ZNF837: variants seen among roughly 807,000 people sequenced by gnomAD.
ZNF837 encodes the protein zinc finger protein 837.
For missense variants in ZNF837, 955 were observed against 801.7 expected (o/e 1.19, Z -2.31); for synonymous variants, 475 against 365.2 (o/e 1.30, Z -3.43).
chr19:58,368,552 T>C lies in ZNF837; in HGVS notation c.781A>G (p.Ile261Val), dbSNP rs2052165307. Residue 261 changes from isoleucine to valine, a missense_variant, in exon 3 of 3, where the codon ATT becomes GTT. Transcript: ENST00000597582. ...CGCTGGGCCGGGGGGTCGGGGACAA[T>C]AGGGCGAGGTCGCGAGGTTTGGCCG... ...ECGQTSRPRP[I>V]VPDPPAQRLY... The C allele has an allele frequency of 3.9e-6, 6 of 1,537,596 alleles. No homozygotes were observed. Among genetic ancestry groups the C allele is most frequent in the Admixed American group, 2.0e-5 (1 of 50,636 alleles).
intron 1 of ZNF837, among the ~76,000 whole-genome samples, chr19:58,371,395 G>A (rs1222952950): frequency 5.9e-5 from 9 of 152,188 alleles, no homozygotes; most frequent in Non-Finnish European, 1.0e-4. Context: ...GCGACAGAGC[G>A]AGACTCCGTC....
chr19:58,367,646 A>C lies in ZNF837; in HGVS notation c.*91T>G. The C allele has an allele frequency of 7.1e-7, 1 of 1,409,828 alleles. No homozygotes were observed. The highest frequency in any genetic ancestry group is 1.5e-5 in the African/African-American group (1 of 67,662). 87.3% of individuals were successfully genotyped at this position (1,409,828 alleles called of 1,614,324 possible). On this transcript the variant is annotated 3_prime_UTR_variant, in exon 3 of 3. Transcript: ENST00000597582. ...TGTGTACAAAGTGAAGTTTAATCAA[A>C]GTTACAAACGTTGGTGGGTTTTCCG...
chr19:58,369,106 GGGCCGGGGCTCACC>G lies in ZNF837; in HGVS notation c.213_226del (p.Val72GlyfsTer25). Reference sequence around the variant, plus strand: ...GGTCCCGGCGCTGTGCCGGGTCCCCGGGCCGGGGCTCACCCCGAGGCTGCAGCCCCGGGAGCCCC... The same window carrying G: ...GGTCCCGGCGCTGTGCCGGGTCCCCGCCGAGGCTGCAGCCCCGGGAGCCCC... On this transcript the variant is annotated frameshift_variant, in exon 3 of 3. Coordinates refer to ENST00000597582, the MANE Select transcript of ZNF837 (RefSeq NM_138466.2). LOFTEE classifies it low-confidence loss of function (END_TRUNC). 1.7e-5 allele frequency: 26 copies of G among 1,501,942 alleles called. No individual in the cohort carries two copies. Among genetic ancestry groups the G allele is most frequent in the Non-Finnish European group, 2.1e-5 (24 of 1,126,288 alleles). 93.0% of individuals were successfully genotyped at this position (1,501,942 alleles called of 1,614,324 possible).
At position 58,368,999 on chromosome 19, in the gene ZNF837, C is replaced by T. The variant is rs1359145487; in HGVS notation, c.334G>A (p.Glu112Lys). The T allele has an allele frequency of 1.3e-6, 2 of 1,518,930 alleles. No individual in the cohort carries two copies. The highest frequency in any genetic ancestry group is 1.4e-5 in the African/African-American group (1 of 72,238). The allele number at this position is 1,518,930 out of a possible 1,614,324, so 94.1% of individuals were successfully genotyped here. ...LVIPEGLQAR[E>K]GPCRSPARGG... ...CGCGCTGGGCTCCTACAGGGGCCCT[C>T]CCGGGCTTGCAGCCCCTCGGGGATA... is the stretch of plus-strand genomic sequence containing the variant. The change falls in exon 3 of 3, where the codon GAG becomes AAG. Residue 112 changes from glutamate to lysine, a missense_variant. Transcript: ENST00000597582.
At position 58,377,073 on chromosome 19, in the gene ZNF837, C is replaced by T. The variant is rs564951615; in HGVS notation, c.-140+3868G>A. 6.6e-5 allele frequency among the ~76,000 whole-genome samples: 10 copies of T among 151,510 alleles called. 1 individual carries two copies. The East Asian group carries it at 1.9e-3, about 29-fold the overall frequency. On this transcript the variant is annotated intron_variant, in intron 1 of 2. Coordinates refer to ENST00000597582, the MANE Select transcript of ZNF837 (RefSeq NM_138466.2). ...TCTACTAAAAATACAAAAAATTAGC[C>T]AGGCGAGGTGGCGCGCACCTGTAAT...
rs1021460614 is a variant in ZNF837 at position 58,368,511 on chromosome 19, G to A, written c.822C>T (p.Asp274=). The A allele has an allele frequency of 1.5e-5, 23 of 1,548,198 alleles. No homozygotes were observed. The East Asian group carries it at 3.7e-4, about 25-fold the overall frequency. The change falls in exon 3 of 3, where the codon GAC becomes GAT. Residue 274 remains aspartate, a synonymous_variant. Coordinates refer to ENST00000597582, the MANE Select transcript of ZNF837 (RefSeq NM_138466.2). ...DPPAQRLYAC[D]ECGKAFTRTS... is the part of the protein sequence containing the mutation. ...TGCGCGTGAAGGCCTTGCCGCACTC[G>A]TCGCAAGCGTACAGTCGCTGGGCCG... is the stretch of plus-strand genomic sequence containing the variant.
At position 58,367,816 on chromosome 19, in the gene ZNF837, C is replaced by CCGCA. The variant is rs745823044; in HGVS notation, c.1513_1516dup (p.Gly506ValfsTer58). 12 of 1,536,576 alleles carry CCGCA rather than the reference C, an allele frequency of 7.8e-6. No individual in the cohort carries two copies. Among genetic ancestry groups the CCGCA allele is most frequent in the Non-Finnish European group, 9.6e-6 (11 of 1,145,632 alleles). ...TTGGCTGAAGGCGCGGCCGCAATCT[C>CCGCA]CGCACGCGTAGGGCCGCTCGCCCGT... On this transcript the variant is annotated frameshift_variant, in exon 3 of 3. Transcript: ENST00000597582. LOFTEE classifies it low-confidence loss of function (END_TRUNC).
In ZNF837 at chr19:58,369,045, A is replaced by T; in HGVS notation, c.288T>A (p.Ser96=). The T allele has an allele frequency of 1.3e-6, 2 of 1,515,236 alleles. No individual in the cohort carries two copies. Among genetic ancestry groups the T allele is most frequent in the Non-Finnish European group, 1.8e-6 (2 of 1,130,434 alleles). The allele number at this position is 1,515,236 out of a possible 1,614,324, so 93.9% of individuals were successfully genotyped here. A position where few individuals can be genotyped will look rare whatever the true frequency, so the allele number is the denominator to read the frequency against. The change falls in exon 3 of 3, where the codon TCT becomes TCA. Residue 96 remains serine, a synonymous_variant. Coordinates refer to ENST00000597582, the MANE Select transcript of ZNF837 (RefSeq NM_138466.2). ...GGATAACCAGCTCAGGGTTCTGAGA[A>T]GAGGTGGGGCCGCACGGCTCCCGCA... ...PLVREPCGPT[S]SQNPELVIPE...
At position 58,368,288 on chromosome 19, in the gene ZNF837, C is replaced by G; in HGVS notation, c.1045G>C (p.Glu349Gln). Residue 349 changes from glutamate (E) to glutamine (Q), a missense_variant, in exon 3 of 3, where the codon GAG becomes CAG. By Grantham distance (29) the Glu-to-Gln change is conservative (BLOSUM62 2). Transcript: ENST00000597582. ...LGCPPCGDYSERSPRRGSGAG... is the reference protein window; with the variant it reads ...LGCPPCGDYSQRSPRRGSGAG... Reference sequence around the variant, plus strand: ...CCCGACCCCCGTCGGGGACTCCGCTCGCTGTAGTCCCCGCAGGGCGGGCAC... The same window carrying G: ...CCCGACCCCCGTCGGGGACTCCGCTGGCTGTAGTCCCCGCAGGGCGGGCAC... 6.8e-7 allele frequency: 1 copy of G among 1,479,822 alleles called. No individual in the cohort carries two copies. The highest frequency in any genetic ancestry group is 8.9e-7 in the Non-Finnish European group (1 of 1,123,056). 91.7% of individuals were successfully genotyped at this position (1,479,822 alleles called of 1,614,324 possible).
rs772197900 is a variant in ZNF837 at position 58,368,557 on chromosome 19, C to T, written c.776G>A (p.Arg259His). 3.6e-5 allele frequency: 56 copies of T among 1,536,784 alleles called. No homozygotes were observed. Among genetic ancestry groups the T allele is most frequent in the African/African-American group, 8.2e-5 (6 of 72,922 alleles). The stretch of plus-strand genomic sequence containing the variant: ...GGCCGGGGGGTCGGGGACAATAGGG[C>T]GAGGTCGCGAGGTTTGGCCGCACTC... The part of the protein sequence containing the change: ...CPECGQTSRP[R>H]PIVPDPPAQR... Residue 259 changes from arginine to histidine, a missense_variant, in exon 3 of 3, where the codon CGC becomes CAC. By Grantham distance (29) the Arg-to-His change is conservative (BLOSUM62 0). Transcript: ENST00000597582.
chr19:58,371,477 A>G lies in ZNF837; in HGVS notation c.-139-1549T>C, dbSNP rs551356694. 8.5e-5 allele frequency among the ~76,000 whole-genome samples: 13 copies of G among 152,302 alleles called. No homozygotes were observed. The South Asian group carries it at 1.2e-3, about 15-fold the overall frequency. ...GTGAGGTTTCTCAGCCTCACACGTG[A>G]TAAGTGCACAATCCTCCTGTCCCCT... On this transcript the variant is annotated intron_variant, in intron 1 of 2. Coordinates refer to ENST00000597582, the MANE Select transcript of ZNF837 (RefSeq NM_138466.2).
At position 58,368,563 on chromosome 19, in the gene ZNF837, C is replaced by T; in HGVS notation, c.770G>A (p.Arg257Gln). 1.4e-5 allele frequency: 21 copies of T among 1,536,526 alleles called. No individual in the cohort carries two copies. Among genetic ancestry groups the T allele is most frequent in the Non-Finnish European group, 1.7e-5 (20 of 1,143,658 alleles). The change falls in exon 3 of 3, where the codon CGA becomes CAA. Residue 257 changes from arginine (R) to glutamine (Q), a missense_variant. Coordinates refer to ENST00000597582, the MANE Select transcript of ZNF837 (RefSeq NM_138466.2). ...PVCPECGQTS[R>Q]PRPIVPDPPA... ...GGGGTCGGGGACAATAGGGCGAGGTCGCGAGGTTTGGCCGCACTCAGGACA... is the reference window on the plus strand; with the variant it reads ...GGGGTCGGGGACAATAGGGCGAGGTTGCGAGGTTTGGCCGCACTCAGGACA...
At chr19:58,370,953 G>A (rs979230602) in intron 1 of ZNF837, among the ~76,000 whole-genome samples, 36 of 147,200 alleles carry the variant, frequency 2.4e-4, no homozygotes, top group East Asian at 4.2e-4. Context: ...GAAGGCCGGG[G>A]GGGGGGAGCC....
At chr19:58,378,681 G>T (rs958153704) in intron 1 of ZNF837, among the ~76,000 whole-genome samples, 2 of 152,166 alleles carry the variant, frequency 1.3e-5, no homozygotes, top group African/African-American at 4.8e-5. Flanking sequence ...TCCTAACCCC[G>T]GAACTCTCAG....
At chr19:58,380,564 A>T (rs988720742) in intron 1 of ZNF837, among the ~76,000 whole-genome samples, 1 of 152,234 alleles carries the variant, frequency 6.6e-6, no homozygotes, top group South Asian at 2.1e-4. Context: ...CAAAGTGCAA[A>T]GGCCAGGATG....
rs1237951262 is a variant in ZNF837 at position 58,369,284 on chromosome 19, C to T, written c.49G>A (p.Asp17Asn). The change falls in exon 3 of 3, where the codon GAT becomes AAT. Residue 17 changes from aspartate (D) to asparagine (N), a missense_variant. Physicochemically the swap from Asp to Asn is conservative, Grantham distance 23 (BLOSUM62 1). Transcript: ENST00000597582. ...CGGGCCCCGGAGGCACCCTGGGCAT[C>T]GGCCTTGGGGAGTCCTCCCTGCCCA... is the stretch of plus-strand genomic sequence containing the variant. ...KAGQGGLPKA[D>N]AQGASGAREK... is the part of the protein sequence containing the mutation. 3 of 1,405,828 alleles carry T rather than the reference C, an allele frequency of 2.1e-6. No individual in the cohort carries two copies. Among genetic ancestry groups the T allele is most frequent in the African/African-American group, 1.5e-5 (1 of 65,674 alleles). The allele number at this position is 1,405,828 out of a possible 1,614,324, so 87.1% of individuals were successfully genotyped here.
chr19:58,379,113 G>A (rs1318032477), intron 1 of ZNF837, among the ~76,000 whole-genome samples: 1 of 152,210 alleles, frequency 6.6e-6, no homozygotes, highest in Non-Finnish European at 1.5e-5. Flanking sequence ...GTTGTAAGGG[G>A]CTCTCCTGAT....
Position 58,367,991 on chromosome 19 carries a change from C to G in ZNF837, c.1342G>C (p.Gly448Arg). ...QRAHTGERPY[G>R]CSECGKTFRG... The stretch of plus-strand genomic sequence containing the variant: ...AAGGTCTTTCCGCACTCGGAGCAGC[C>G]ATAGGGCCGCTCGCCGGTGTGCGCG... The change falls in exon 3 of 3, where the codon GGC becomes CGC. Residue 448 changes from glycine to arginine, a missense_variant. Coordinates refer to ENST00000597582, the MANE Select transcript of ZNF837 (RefSeq NM_138466.2). 6.5e-7 allele frequency: 1 copy of G among 1,532,708 alleles called. No individual in the cohort carries two copies. The highest frequency in any genetic ancestry group is 8.7e-7 in the Non-Finnish European group (1 of 1,144,176). 94.9% of individuals were successfully genotyped at this position (1,532,708 alleles called of 1,614,324 possible).
At chr19:58,373,575 T>C (rs940049408) in intron 1 of ZNF837, among the ~76,000 whole-genome samples, 2 of 152,176 alleles carry the variant, frequency 1.3e-5, no homozygotes, top group African/African-American at 4.8e-5. Context: ...AGGTGAGGGG[T>C]TGGCTGCTGT....
Sources: gnomAD v4.1 joint callset for allele counts (sites outside exome capture counted in the v4.1 genomes callset) on GRCh38, gnomAD v4.1.1 for gene constraint, MANE v1.5 for transcripts, NCBI Gene and HGNC (gene_info 2026-07-23, HGNC 2026-07-21) for gene names.